Variants in DNMT3A observed in about 807,000 individuals in gnomAD.
DNMT3A encodes DNA methyltransferase 3 alpha, also known as DNA (cytosine-5)-methyltransferase 3A.
Under a neutral mutation model 117.6 loss-of-function variants are expected in DNMT3A, and 267 were observed. The ratio of observed to expected loss-of-function variants is 2.27; its 90% CI spans 2.05 to 2.51. The LOEUF is 2.51. Ranked by LOEUF, DNMT3A falls within the 30% of genes most tolerant of loss-of-function variation. The pLI is 0.00. For synonymous variants in DNMT3A, 432 were observed against 474.8 expected, an observed-to-expected ratio of 0.91 and a Z score of 1.17; for missense variants, 1,029 against 1,260.2, an observed-to-expected ratio of 0.82 and a Z score of 2.78.
chr2:25,287,427 C>T (rs1425041306), intron 3 of DNMT3A, among the ~76,000 whole-genome samples: 1 of 152,140 alleles, frequency 6.6e-6, no homozygotes, highest in Non-Finnish European at 1.5e-5. Context: ...GTATACCACA[C>T]TTTGGGTCTT....
intron 6 of DNMT3A, among the ~76,000 whole-genome samples, chr2:25,273,942 G>A (rs2031171240): frequency 6.6e-6 from 1 of 152,200 alleles, no homozygotes; most frequent in Non-Finnish European, 1.5e-5. Context: ...GGTTTTCATG[G>A]ACATGTTCTG....
chr2:25,247,799 C>A lies in DNMT3A; in HGVS notation c.856-50G>T, dbSNP rs1314298579. On this transcript the variant is annotated intron_variant, in intron 7 of 22. Transcript: ENST00000321117. The surrounding 1 kb of genome is among the most constrained non-coding windows in gnomAD (Gnocchi z 5.6). ...ATTACACAGTGGTCACGAGGCCCTG[C>A]CACCCTGATCCCCCCATGGCAACCC... 1 of 1,593,602 alleles carries A rather than the reference C, an allele frequency of 6.3e-7. No individual in the cohort carries two copies. The highest frequency in any genetic ancestry group is 1.9e-4 in the Middle Eastern group (1 of 5,250).
rs1573288893 is a variant in DNMT3A at position 25,233,280 on chromosome 2, C to T, written c.*999G>A. On this transcript the variant is annotated 3_prime_UTR_variant, in exon 23 of 23. Transcript: ENST00000321117. The stretch of plus-strand genomic sequence containing the variant: ...CAAGTTCTCCTCCTTCACTTCGTTA[C>T]AAACCAAGGGGAAGAGCCCACCGTG... 8 of 233,736 alleles carry T rather than the reference C, an allele frequency of 3.4e-5. No individual in the cohort carries two copies. The East Asian group carries it at 4.8e-4, about 14-fold the overall frequency. The allele number at this position is 233,736 out of a possible 1,614,324, so 14.5% of individuals were successfully genotyped here. A position where few individuals can be genotyped will look rare whatever the true frequency, so the allele number is the denominator to read the frequency against.
rs144980315 is a variant in DNMT3A at position 25,281,525 on chromosome 2, G to T, written c.448+916C>A. 1.7e-4 allele frequency: 184 copies of T among 1,059,482 alleles called. 4 individuals carry two copies. In the East Asian group the frequency reaches 9.3e-3, roughly 54 times the overall value. The allele number at this position is 1,059,482 out of a possible 1,614,324, so 65.6% of individuals were successfully genotyped here. Reference sequence around the variant, plus strand: ...ATTAGGTTGGATCCATGCAAAATAAGTTACGCCAATTAATCAATTTACTCA... The same window carrying T: ...ATTAGGTTGGATCCATGCAAAATAATTTACGCCAATTAATCAATTTACTCA... On this transcript the variant is annotated intron_variant, in intron 4 of 22. Coordinates refer to ENST00000321117, the MANE Select transcript of DNMT3A (RefSeq NM_022552.5). The surrounding 1 kb of genome is among the most constrained non-coding windows in gnomAD (Gnocchi z 4.8).
rs1274828242 is a variant in DNMT3A, at chr2:25,231,371, G to A, written c.*2908C>T. On this transcript the variant is annotated 3_prime_UTR_variant, in exon 23 of 23. Transcript: ENST00000321117. The stretch of plus-strand genomic sequence containing the variant: ...CAGCCCAGTCACCACCTGTCAAGAG[G>A]TGACAGGAAGCAACTGGGCATGATC... The A allele has an allele frequency of 6.6e-6, 1 of 152,252 alleles. No individual in the cohort carries two copies. Among genetic ancestry groups the A allele is most frequent in the Non-Finnish European group, 1.5e-5 (1 of 68,090 alleles). The allele number at this position is 152,252 out of a possible 1,614,324, so 9.4% of individuals were successfully genotyped here. A position where few individuals can be genotyped will look rare whatever the true frequency, so the allele number is the denominator to read the frequency against.
rs1039031330 is a variant in DNMT3A, at chr2:25,228,807, C to T, written c.*5472G>A. On this transcript the variant is annotated 3_prime_UTR_variant, in exon 23 of 23. Coordinates refer to ENST00000321117, the MANE Select transcript of DNMT3A (RefSeq NM_022552.5). ...GAATTCTAGGGCTGTGCAACCAAAT[C>T]GGTCTGTGAAGTGAAATGGGACTAG... The T allele has an allele frequency of 6.6e-6, 1 of 152,228 alleles. No individual in the cohort carries two copies. The highest frequency in any genetic ancestry group is 1.5e-5 in the Non-Finnish European group (1 of 68,048). The allele number at this position is 152,228 out of a possible 1,614,324, so 9.4% of individuals were successfully genotyped here.
rs1478049432 is a variant in DNMT3A at position 25,233,610 on chromosome 2, C to T, written c.*669G>A. ...GTGTGGTGTTCTCGTCTCCCTGCTG[C>T]TAACTGGGTTCTGTTTTGCGTGACC... is the stretch of plus-strand genomic sequence containing the variant. On this transcript the variant is annotated 3_prime_UTR_variant, in exon 23 of 23. Transcript: ENST00000321117. 1 of 233,178 alleles carries T rather than the reference C, an allele frequency of 4.3e-6. No individual in the cohort carries two copies. The highest frequency in any genetic ancestry group is 8.5e-6 in the Non-Finnish European group (1 of 117,976). The allele number at this position is 233,178 out of a possible 1,614,324, so 14.4% of individuals were successfully genotyped here. A position where few individuals can be genotyped will look rare whatever the true frequency, so the allele number is the denominator to read the frequency against.
At chr2:25,340,858 C>A (rs1558754415) in intron 1 of DNMT3A, among the ~76,000 whole-genome samples, 1 of 144,028 alleles carries the variant, frequency 6.9e-6, no homozygotes. Context: ...CCGGCCCCCG[C>A]GGCCCGGGCC....
At chr2:25,241,815 C>T (rs1474370161) in intron 16 of DNMT3A, 108 bp from the exon 17 acceptor site, 1 of 1,425,214 alleles carries the variant, frequency 7.0e-7, no homozygotes, top group East Asian at 2.5e-5. Context: ...AGCTGTAGGC[C>T]CAAGTCCTAT....
At chr2:25,265,632 A>C (rs1335803607) in intron 6 of DNMT3A, among the ~76,000 whole-genome samples, 5 of 152,174 alleles carry the variant, frequency 3.3e-5, no homozygotes, top group Non-Finnish European at 7.4e-5. Context: ...AGCCTGGCCA[A>C]CATGGTGAAA....
In DNMT3A at chr2:25,244,346, G is replaced by A. The variant is rs1488223987; in HGVS notation, c.1668-8C>T. On this transcript the variant is annotated splice_polypyrimidine_tract_variant and splice_region_variant and intron_variant, in intron 14 of 22. Coordinates refer to ENST00000321117, the MANE Select transcript of DNMT3A (RefSeq NM_022552.5). ...CACTCCACGCAAAAGCACCTGGAAG[G>A]AGACCCAGTGAGCAGAGGAGACTCT... 1.9e-6 allele frequency: 3 copies of A among 1,595,686 alleles called. No homozygotes were observed. In the South Asian group the frequency reaches 3.4e-5, roughly 18 times the overall value.
intron 6 of DNMT3A, among the ~76,000 whole-genome samples, chr2:25,271,269 C>T (rs1355581835): frequency 6.6e-6 from 1 of 152,156 alleles, no homozygotes. Context: ...ATCGCCTCAA[C>T]CCAGGAGGCG....
At position 25,228,443 on chromosome 2, in the gene DNMT3A, G is replaced by T. The variant is rs953467289; in HGVS notation, c.*5836C>A. 1.3e-5 allele frequency: 2 copies of T among 151,860 alleles called. No individual in the cohort carries two copies. The allele number at this position is 151,860 out of a possible 1,614,324, so 9.4% of individuals were successfully genotyped here. On this transcript the variant is annotated 3_prime_UTR_variant, in exon 23 of 23. Coordinates refer to ENST00000321117, the MANE Select transcript of DNMT3A (RefSeq NM_022552.5). ...AGCGAAATCGTCTGTAACAGTAAAA[G>T]TTATTACCAAATCAGCTACGGAGTT...
At chr2:25,276,847 C>A (rs955079143) in intron 4 of DNMT3A, among the ~76,000 whole-genome samples, 2 of 152,228 alleles carry the variant, frequency 1.3e-5, no homozygotes, top group African/African-American at 4.8e-5. Context: ...AAAAAACAGC[C>A]CCGACTTCAT....
intron 4 of DNMT3A, among the ~76,000 whole-genome samples, chr2:25,277,391 G>C (rs555650458): frequency 6.6e-6 from 1 of 152,276 alleles, no homozygotes; most frequent in African/African-American, 2.4e-5. Flanking sequence ...TGAGGCCCCG[G>C]GCTCCCAGCA....
At chr2:25,284,045 G>A (rs1255071943) in intron 3 of DNMT3A, among the ~76,000 whole-genome samples, 1 of 152,208 alleles carries the variant, frequency 6.6e-6, no homozygotes, top group African/African-American at 2.4e-5. Context: ...GACACCTCAA[G>A]AAGAATGGAG....
rs574752682 is a variant in DNMT3A, at chr2:25,286,241, C to T, written c.178-3530G>A. Among the ~76,000 whole-genome samples, 329 of 152,354 alleles carry T rather than the reference C, an allele frequency of 2.2e-3. 1 individual carries two copies. Among genetic ancestry groups the T allele is most frequent in the Non-Finnish European group, 3.9e-3 (264 of 68,038 alleles). ...GAGGCCCAACACAGCCCCAGGCTCC[C>T]GACCAACCCAGTCCTTCATGCACAA... On this transcript the variant is annotated intron_variant, in intron 3 of 22. Coordinates refer to ENST00000321117, the MANE Select transcript of DNMT3A (RefSeq NM_022552.5). The surrounding 1 kb of genome is among the most constrained non-coding windows in gnomAD (Gnocchi z 4.3).
At chr2:25,341,992 C>G, upstream of DNMT3A, 2 of 953,426 alleles carry the variant, frequency 2.1e-6, no homozygotes, top group Non-Finnish European at 2.5e-6. Flanking sequence ...CTCGCTGTCG[C>G]GCTCCCTCTC....
Position 25,229,219 on chromosome 2 carries a change from A to C in DNMT3A, c.*5060T>G, listed in dbSNP as rs926528908. 1.3e-5 allele frequency: 2 copies of C among 152,452 alleles called. No individual in the cohort carries two copies. The highest frequency in any genetic ancestry group is 2.9e-5 in the Non-Finnish European group (2 of 68,156). 9.4% of individuals were successfully genotyped at this position (152,452 alleles called of 1,614,324 possible). On this transcript the variant is annotated 3_prime_UTR_variant, in exon 23 of 23. Coordinates refer to ENST00000321117, the MANE Select transcript of DNMT3A (RefSeq NM_022552.5). ...AAGATTCCAGAGCTCACACTACAACAGCAGAGTCCATCCTCTCACCCCTTC... is the reference window on the plus strand; with the variant it reads ...AAGATTCCAGAGCTCACACTACAACCGCAGAGTCCATCCTCTCACCCCTTC...
Sources: allele counts gnomAD v4.1 joint callset (sites outside exome capture counted in the v4.1 genomes callset), GRCh38; gene constraint gnomAD v4.1.1; non-coding constraint Gnocchi (gnomAD v3.1); transcripts MANE v1.5; gene names NCBI Gene and HGNC (gene_info 2026-07-23, HGNC 2026-07-21).